Variants in MDGA2 observed in about 807,000 individuals in gnomAD.
MDGA2 encodes MAM domain-containing glycosylphosphatidylinositol anchor protein 2.
Under a neutral mutation model 117.8 loss-of-function variants are expected in MDGA2, and 40 were observed. The ratio of observed to expected loss-of-function variants is 0.34; its 90% CI spans 0.26 to 0.44. The LOEUF is 0.44. MDGA2 is among the 20% of genes least tolerant of loss of function. The pLI, the probability that MDGA2 is intolerant of heterozygous loss-of-function variation, is 1.00. For missense variants in MDGA2, 1,123 were observed against 1,250.6 expected, an observed-to-expected ratio of 0.90 and a Z score of 1.54; for synonymous variants, 452 against 439.0, an observed-to-expected ratio of 1.03 and a Z score of -0.37.
chr14:47,311,906 A>G (rs1348319516), intron 1 of MDGA2, among the ~76,000 whole-genome samples: 2 of 152,102 alleles, frequency 1.3e-5, no homozygotes, highest in Admixed American at 1.3e-4. Context: ...AAGTCTAGAC[A>G]TTCCTTTGTG....
intron 1 of MDGA2, among the ~76,000 whole-genome samples, chr14:47,665,565 G>A (rs1453778605): frequency 3.3e-5 from 5 of 152,172 alleles, no homozygotes; most frequent in South Asian, 2.1e-4. Flanking sequence ...GCTGCGCTGG[G>A]CACTTGTGGG....
At chr14:47,634,061 G>T (rs572188152) in intron 1 of MDGA2, among the ~76,000 whole-genome samples, 1 of 152,156 alleles carries the variant, frequency 6.6e-6, no homozygotes, top group East Asian at 1.9e-4. Context: ...ATATCTTTTG[G>T]GAGGTAATTT....
chr14:47,599,528 T>C (rs1896608241), intron 1 of MDGA2, among the ~76,000 whole-genome samples: 1 of 152,138 alleles, frequency 6.6e-6, no homozygotes, highest in Non-Finnish European at 1.5e-5. Context: ...ACCCCACCAA[T>C]GAATTTGATC....
At chr14:47,479,298 T>A (rs1893904970) in intron 1 of MDGA2, among the ~76,000 whole-genome samples, 1 of 152,056 alleles carries the variant, frequency 6.6e-6, no homozygotes, top group Non-Finnish European at 1.5e-5. Flanking sequence ...AATGCTATTG[T>A]CCATAAACCC....
chr14:47,271,252 T>C (rs1222045555), intron 2 of MDGA2, among the ~76,000 whole-genome samples: 4 of 152,280 alleles, frequency 2.6e-5, no homozygotes, highest in Admixed American at 1.3e-4. Context: ...TTTTTATTTT[T>C]AATATTTTAA....
intron 1 of MDGA2, among the ~76,000 whole-genome samples, chr14:47,521,775 G>C (rs1226690497): frequency 6.6e-6 from 1 of 151,996 alleles, no homozygotes. Flanking sequence ...GGGTTCAAGT[G>C]ATTCTCCTAC....
At chr14:46,864,942 G>C (rs1261113349) in intron 14 of MDGA2, among the ~76,000 whole-genome samples, 1 of 151,886 alleles carries the variant, frequency 6.6e-6, no homozygotes, top group South Asian at 2.1e-4. Flanking sequence ...GATTCTCCTA[G>C]AGTCAGTGAA....
intron 8 of MDGA2, among the ~76,000 whole-genome samples, chr14:47,000,869 T>C (rs1457477448): frequency 6.6e-6 from 1 of 152,014 alleles, no homozygotes. Context: ...AGTAATTCTT[T>C]GATTATTAAA....
intron 8 of MDGA2, among the ~76,000 whole-genome samples, chr14:46,990,038 C>A (rs1887024787): frequency 6.6e-6 from 1 of 152,062 alleles, no homozygotes; most frequent in Non-Finnish European, 1.5e-5. Context: ...CTATATAATA[C>A]AATGTTCCTA....
intron 6 of MDGA2, among the ~76,000 whole-genome samples, chr14:47,090,835 C>T (rs1164753473): frequency 4.6e-5 from 7 of 152,080 alleles, no homozygotes; most frequent in Admixed American, 4.6e-4. Flanking sequence ...AAGAGACAGA[C>T]AGCCCTGAGG....
intron 1 of MDGA2, among the ~76,000 whole-genome samples, chr14:47,332,162 G>GT (rs1890311285): frequency 6.6e-6 from 1 of 151,972 alleles, no homozygotes. Context: ...AACTCTCTGT[G>GT]TAATTCCATA....
rs573484605 is a variant in MDGA2, at chr14:47,318,475, C to T, written c.281-16925G>A. On this transcript the variant is annotated intron_variant, in intron 1 of 16. Transcript: ENST00000399232. ...GGACACATTCCTTGACCCCTGTGAA[C>T]AAATCCAATCATTCATTTATGGGTA... 7.9e-5 allele frequency among the ~76,000 whole-genome samples: 12 copies of T among 152,216 alleles called. No homozygotes were observed. The South Asian group carries it at 2.3e-3, about 29-fold the overall frequency.
intron 3 of MDGA2, chr14:47,200,523 CTTTT>C: frequency 1.7e-6 from 1 of 600,884 alleles, no homozygotes; most frequent in South Asian, 3.2e-5. Context: ...TTTCTTTTTT[CTTTT>C]TCTTTTCTTT....
intron 1 of MDGA2, among the ~76,000 whole-genome samples, chr14:47,366,853 T>G (rs1331882925): frequency 6.6e-6 from 1 of 151,178 alleles, no homozygotes; most frequent in East Asian, 1.9e-4. Context: ...AAAGATTATG[T>G]TTGATACTAT....
Position 47,221,844 on chromosome 14 carries a change from T to C in MDGA2, c.421-3649A>G, listed in dbSNP as rs957361185. On this transcript the variant is annotated intron_variant, in intron 2 of 16. Transcript: ENST00000399232. ...TATTTTTAATTGGCAAATATATATATGTGTGTATATATATTTGGGGTACGA... is the reference window on the plus strand; with the variant it reads ...TATTTTTAATTGGCAAATATATATACGTGTGTATATATATTTGGGGTACGA... Among the ~76,000 whole-genome samples the C allele has an allele frequency of 2.6e-5, 4 of 152,008 alleles. No individual in the cohort carries two copies. In the South Asian group the frequency reaches 8.3e-4, roughly 32 times the overall value.
rs532405008 is a variant in MDGA2 at position 47,156,021 on chromosome 14, G to A, written c.596-11747C>T. The stretch of plus-strand genomic sequence containing the variant: ...GCCTCCCAGGTTAAGCGATTCTCAT[G>A]CCTCAGCCGCTGGCGTAGCTGGGAT... On this transcript the variant is annotated intron_variant, in intron 3 of 16. Coordinates refer to ENST00000399232, the MANE Select transcript of MDGA2 (RefSeq NM_001113498.3). Among the ~76,000 whole-genome samples, 58 of 147,028 alleles carry A rather than the reference G, an allele frequency of 3.9e-4. 1 individual carries two copies. The highest frequency in any genetic ancestry group is 1.4e-3 in the African/African-American group (54 of 39,990).
chr14:47,325,506 G>A (rs1890117335), intron 1 of MDGA2, among the ~76,000 whole-genome samples: 1 of 152,086 alleles, frequency 6.6e-6, no homozygotes, highest in Non-Finnish European at 1.5e-5. Context: ...ATAATCTGAG[G>A]ATCTCTTTTT....
chr14:47,260,341 C>T (rs1240981884), intron 2 of MDGA2, among the ~76,000 whole-genome samples: 2 of 151,900 alleles, frequency 1.3e-5, no homozygotes, highest in Admixed American at 6.6e-5. Flanking sequence ...CAATGCAGTG[C>T]ATATATTTTG....
At chr14:47,524,146 C>A (rs1894925232) in intron 1 of MDGA2, among the ~76,000 whole-genome samples, 1 of 152,020 alleles carries the variant, frequency 6.6e-6, no homozygotes, top group South Asian at 2.1e-4. Flanking sequence ...AGATTTGTAT[C>A]CTTATTTCAA....
Sources: allele counts gnomAD v4.1 joint callset (sites outside exome capture counted in the v4.1 genomes callset), GRCh38; gene constraint gnomAD v4.1.1; transcripts MANE v1.5; gene names NCBI Gene and HGNC (gene_info 2026-07-23, HGNC 2026-07-21).